The following LRIF1 variants were observed in gnomAD, a reference collection of about 807,000 sequenced individuals.
LRIF1 encodes the protein ligand dependent nuclear receptor interacting factor 1.
In LRIF1, 32 loss-of-function variants were observed where a neutral mutation model predicts 52.7. The observed-to-expected ratio is 0.61, with a 90% CI of 0.46 to 0.82. LRIF1 has a LOEUF of 0.82. LRIF1 is among the 40% of genes least tolerant of loss of function. The pLI is 0.00. For synonymous variants in LRIF1, 323 were observed against 317.4 expected, an observed-to-expected ratio of 1.02 and a Z score of -0.19; for missense variants, 887 against 892.0, an observed-to-expected ratio of 0.99 and a Z score of 0.07.
At chr1:110,893,456 G>A in the LRIF1 span, among the ~76,000 whole-genome samples, 1 of 152,158 alleles carries the variant, frequency 6.6e-6, no homozygotes, top group Admixed American at 6.5e-5. Context: ...CCGAGTAGCT[G>A]GGATTACAGT....
the LRIF1 span, among the ~76,000 whole-genome samples, chr1:110,907,739 C>A: frequency 2.7e-3 from 418 of 152,194 alleles, 5 homozygotes; most frequent in African/African-American, 9.5e-3. Flanking sequence ...ATCTCACACA[C>A]ACAAAAAAAG....
chr1:110,914,916 T>A, the LRIF1 span, among the ~76,000 whole-genome samples: 1 of 152,172 alleles, frequency 6.6e-6, no homozygotes, highest in African/African-American at 2.4e-5. Flanking sequence ...CATAGTAGAA[T>A]TGAAGATATG....
the LRIF1 span, among the ~76,000 whole-genome samples, chr1:110,931,672 C>T: frequency 6.6e-6 from 1 of 152,154 alleles, no homozygotes; most frequent in South Asian, 2.1e-4. Flanking sequence ...TAAATGCTCG[C>T]CATTCTAACT....
At chr1:110,892,386 G>T in the LRIF1 span, 1 of 1,614,092 alleles carries the variant, frequency 6.2e-7, no homozygotes, top group Non-Finnish European at 8.5e-7. Context: ...TCTACCTGCT[G>T]ATCCACAACA....
chr1:110,912,141 CAAGTA>C, the LRIF1 span, among the ~76,000 whole-genome samples: 1 of 152,134 alleles, frequency 6.6e-6, no homozygotes, highest in African/African-American at 2.4e-5. Flanking sequence ...AATTGGTAAA[CAAGTA>C]AAGTTTTAGG....
the LRIF1 span, among the ~76,000 whole-genome samples, chr1:110,935,692 C>T: frequency 6.6e-6 from 1 of 152,014 alleles, no homozygotes; most frequent in Non-Finnish European, 1.5e-5. Context: ...AGCATACCTA[C>T]AGGATCTAGA....
chr1:110,953,925 A>G (rs770532445), intron 1 of LRIF1, among the ~76,000 whole-genome samples: 1 of 152,198 alleles, frequency 6.6e-6, no homozygotes, highest in Non-Finnish European at 1.5e-5. Context: ...CATGGTATAT[A>G]TCATAGATTG....
the LRIF1 span, among the ~76,000 whole-genome samples, chr1:110,918,775 C>G: frequency 6.6e-6 from 1 of 152,138 alleles, no homozygotes; most frequent in Non-Finnish European, 1.5e-5. Context: ...AGAGGAAGAA[C>G]TTCCCCAGGC....
chr1:110,912,968 G>T, the LRIF1 span, among the ~76,000 whole-genome samples: 3 of 152,138 alleles, frequency 2.0e-5, no homozygotes, highest in Non-Finnish European at 4.4e-5. Context: ...TATGGTACTG[G>T]TACAAACACA....
chr1:110,951,144 G>T, intron 2 of LRIF1, 144 bp downstream of exon 2: 1 of 650,132 alleles, frequency 1.5e-6, no homozygotes, highest in Non-Finnish European at 2.5e-6. Flanking sequence ...TGGAAGTTTT[G>T]ACTTAAATAC....
At chr1:110,883,854 A>G in the LRIF1 span, among the ~76,000 whole-genome samples, 1 of 151,862 alleles carries the variant, frequency 6.6e-6, no homozygotes, top group African/African-American at 2.4e-5. Context: ...TATATTTTTG[A>G]TATCTATAGA....
At chr1:110,916,182 G>C in the LRIF1 span, among the ~76,000 whole-genome samples, 1 of 152,082 alleles carries the variant, frequency 6.6e-6, no homozygotes, top group African/African-American at 2.4e-5. Context: ...AAAAAATGAA[G>C]AGCCTGGTAA....
chr1:110,920,450 T>C, the LRIF1 span, among the ~76,000 whole-genome samples: 1 of 152,206 alleles, frequency 6.6e-6, no homozygotes, highest in Non-Finnish European at 1.5e-5. Context: ...ACCTAATGTA[T>C]GATTCCAGCT....
the LRIF1 span, among the ~76,000 whole-genome samples, chr1:110,933,783 G>A: frequency 6.6e-6 from 1 of 152,128 alleles, no homozygotes; most frequent in Non-Finnish European, 1.5e-5. Flanking sequence ...CAACTCACAG[G>A]TGAGTCCATG....
the LRIF1 span, among the ~76,000 whole-genome samples, chr1:110,906,009 T>A: frequency 6.6e-6 from 1 of 151,888 alleles, no homozygotes; most frequent in African/African-American, 2.4e-5. Context: ...GCAAGTCTCA[T>A]GCAAAAACAT....
chr1:110,963,518 C>A (rs1659054631), intron 1 of LRIF1, 103 bp downstream of exon 1: 1 of 953,120 alleles, frequency 1.0e-6, no homozygotes, highest in Admixed American at 2.4e-5. Context: ...TCTGCGGGCT[C>A]CAACTCCTCT....
chr1:110,948,024 T>G lies in LRIF1; in HGVS notation c.2245A>C (p.Lys749Gln). 6.2e-7 allele frequency: 1 copy of G among 1,612,844 alleles called. No homozygotes were observed. The highest frequency in any genetic ancestry group is 1.1e-5 in the South Asian group (1 of 90,626). The change falls in exon 4 of 4, where the codon AAG (lysine) becomes CAG (glutamine). Residue 749 changes from lysine (K) to glutamine (Q), a missense_variant. Coordinates refer to ENST00000369763, the MANE Select transcript of LRIF1 (RefSeq NM_018372.4). ...GCTTCTTTCTCTCTCAGCACCTGCT[T>G]AAGTCTTCTTATTTTTTCATCTCGA... ...TIRDEKIRRLKQVLREKEAAL... is the reference protein window; with the variant it reads ...TIRDEKIRRLQQVLREKEAAL...
chr1:110,909,186 G>A, the LRIF1 span, among the ~76,000 whole-genome samples: 1 of 152,106 alleles, frequency 6.6e-6, no homozygotes, highest in Non-Finnish European at 1.5e-5. Flanking sequence ...AAGAAAATTT[G>A]TTACCACCAG....
chr1:110,894,172 A>G, the LRIF1 span: 1 of 654,210 alleles, frequency 1.5e-6, no homozygotes, highest in African/African-American at 1.8e-5. Flanking sequence ...AAGAACACAT[A>G]TTTTCACAAA....
Sources: gnomAD v4.1 joint callset for allele counts (sites outside exome capture counted in the v4.1 genomes callset) on GRCh38, gnomAD v4.1.1 for gene constraint, MANE v1.5 for transcripts, NCBI Gene and HGNC (gene_info 2026-07-23, HGNC 2026-07-21) for gene names.